The following RALGAPB variants were observed in gnomAD, a reference collection of about 807,000 sequenced individuals.
RALGAPB encodes Ral GTPase activating protein non-catalytic subunit beta, also known as ral GTPase-activating protein subunit beta.
A neutral mutation model predicts 161.1 loss-of-function variants in RALGAPB; 25 were observed. The observed-to-expected ratio is 0.16, with a 90% CI of 0.11 to 0.22. RALGAPB has a LOEUF of 0.22. Ranked by LOEUF, RALGAPB falls within the 10% of genes least tolerant of loss-of-function variation. The pLI is 1.00. For missense variants in RALGAPB, 1,391 were observed against 1,815.2 expected (o/e 0.77, Z 4.25); for synonymous variants, 629 against 626.1 (o/e 1.00, Z -0.07).
At chr20:38,520,855 T>C (rs991584760) in intron 9 of RALGAPB, among the ~76,000 whole-genome samples, 1 of 152,338 alleles carries the variant, frequency 6.6e-6, no homozygotes, top group Admixed American at 6.5e-5. Context: ...TGATAATCTT[T>C]TTTATCAATC....
chr20:38,513,142 T>TA (rs1250733187), intron 6 of RALGAPB, among the ~76,000 whole-genome samples: 1 of 151,478 alleles, frequency 6.6e-6, no homozygotes, highest in East Asian at 2.0e-4. Context: ...CCAACGCGGG[T>TA]AGATCACCCA....
rs2088343705 is a variant in RALGAPB at position 38,574,131 on chromosome 20, A to G, written c.4143-19A>G. 6.3e-7 allele frequency: 1 copy of G among 1,595,232 alleles called. No homozygotes were observed. Among genetic ancestry groups the G allele is most frequent in the African/African-American group, 1.4e-5 (1 of 73,204 alleles). Reference sequence around the variant, plus strand: ...CTTCAACTCTTGGGTGTCTGAGATAACAATTTTCTTTTCTTAAGATCTACA... The same window carrying G: ...CTTCAACTCTTGGGTGTCTGAGATAGCAATTTTCTTTTCTTAAGATCTACA... On this transcript the variant is annotated intron_variant, in intron 28 of 29. Coordinates refer to ENST00000262879, the MANE Select transcript of RALGAPB (RefSeq NM_020336.4).
chr20:38,511,486 G>A (rs1264876361), intron 6 of RALGAPB, among the ~76,000 whole-genome samples: 4 of 152,008 alleles, frequency 2.6e-5, no homozygotes, highest in Admixed American at 6.6e-5. Flanking sequence ...GCCGCCTTCC[G>A]CAGTGTTTGT....
chr20:38,502,543 T>TA (rs1454038762), intron 5 of RALGAPB, among the ~76,000 whole-genome samples: 2 of 152,334 alleles, frequency 1.3e-5, no homozygotes, highest in South Asian at 4.1e-4. Flanking sequence ...ATGGTATCAA[T>TA]AAACACAGTA....
chr20:38,558,467 A>G lies in RALGAPB; in HGVS notation c.3531+14A>G. 3.2e-6 allele frequency: 4 copies of G among 1,257,426 alleles called. No individual in the cohort carries two copies. Among genetic ancestry groups the G allele is most frequent in the South Asian group, 1.5e-5 (1 of 65,474 alleles). The allele number at this position is 1,257,426 out of a possible 1,614,324, so 77.9% of individuals were successfully genotyped here. A position where few individuals can be genotyped will look rare whatever the true frequency, so the allele number is the denominator to read the frequency against. On this transcript the variant is annotated intron_variant, in intron 23 of 29. Transcript: ENST00000262879. The stretch of plus-strand genomic sequence containing the variant: ...ACGAACCAAGAGGTAAGAGTTACGA[A>G]TTTTTTTTTTTTGGTATGTTTTTGT...
intron 10 of RALGAPB, among the ~76,000 whole-genome samples, chr20:38,524,550 T>C (rs2086400926): frequency 6.6e-6 from 1 of 152,192 alleles, no homozygotes; most frequent in African/African-American, 2.4e-5. Flanking sequence ...GATTCAGAAT[T>C]GTTCTAATTC....
chr20:38,491,304 T>C (rs2085272026), intron 2 of RALGAPB, among the ~76,000 whole-genome samples: 1 of 152,244 alleles, frequency 6.6e-6, no homozygotes, highest in Non-Finnish European at 1.5e-5. Flanking sequence ...CTTTGTGGTA[T>C]CTACAGATGA....
chr20:38,565,399 T>C lies in RALGAPB; in HGVS notation c.3738T>C (p.Asn1246=). Residue 1246 remains asparagine, a synonymous_variant, in exon 25 of 30, where the codon AAT becomes AAC. Coordinates refer to ENST00000262879, the MANE Select transcript of RALGAPB (RefSeq NM_020336.4). ...AAGATATTGGAGCTAGCATTTTCAATGGACAGAAGAAGGTGCTGTATTATG... is the reference window on the plus strand; with the variant it reads ...AAGATATTGGAGCTAGCATTTTCAACGGACAGAAGAAGGTGCTGTATTATG... ...SSEDIGASIF[N]GQKKVLYYAD... 6.2e-7 allele frequency: 1 copy of C among 1,613,548 alleles called. No individual in the cohort carries two copies. Among genetic ancestry groups the C allele is most frequent in the Non-Finnish European group, 8.5e-7 (1 of 1,179,614 alleles).
chr20:38,553,004 A>G (rs2087431151), intron 21 of RALGAPB, among the ~76,000 whole-genome samples: 1 of 152,164 alleles, frequency 6.6e-6, no homozygotes, highest in Non-Finnish European at 1.5e-5. Context: ...AGATAAAGCC[A>G]GAAGGATGCT....
chr20:38,536,851 ACCACCAC>A (rs2086821737), intron 16 of RALGAPB, among the ~76,000 whole-genome samples: 2 of 152,232 alleles, frequency 1.3e-5, no homozygotes, highest in Non-Finnish European at 2.9e-5. Context: ...AGGTGTTCTT[ACCACCAC>A]TTAGAGCTTA....
Position 38,515,784 on chromosome 20 carries a change from T to TCC in RALGAPB, c.873-408_873-407insCC, listed in dbSNP as rs1377931489. Reference sequence around the variant, plus strand: ...TGTTGCTCTGTTGCTCAGGCTGGAATGCATTGGCATGATCATAGCTCACTG... The same window carrying TCC: ...TGTTGCTCTGTTGCTCAGGCTGGAATCCGCATTGGCATGATCATAGCTCACTG... On this transcript the variant is annotated intron_variant, in intron 6 of 29. Coordinates refer to ENST00000262879, the MANE Select transcript of RALGAPB (RefSeq NM_020336.4). Among the ~76,000 whole-genome samples, 67 of 152,206 alleles carry TCC rather than the reference T, an allele frequency of 4.4e-4. 1 individual carries two copies. The highest frequency in any genetic ancestry group is 1.2e-3 in the Admixed American group (19 of 15,282).
At chr20:38,525,338 G>A in intron 11 of RALGAPB, 66 bp from the exon 12 acceptor site, 1 of 1,054,478 alleles carries the variant, frequency 9.5e-7, no homozygotes, top group South Asian at 1.4e-5. Flanking sequence ...GGCATTATAT[G>A]TATTTGGCAG....
intron 5 of RALGAPB, among the ~76,000 whole-genome samples, chr20:38,500,290 G>A (rs1600865885): frequency 2.6e-5 from 4 of 151,482 alleles, no homozygotes; most frequent in African/African-American, 7.3e-5. Context: ...TGCATCAAGC[G>A]AGTCTGTCGG....
chr20:38,524,865 T>C lies in RALGAPB; in HGVS notation c.1707T>C (p.Pro569=), dbSNP rs1191565735. ...VLASVILNSP[P]LFCCDLKGID... is the part of the protein sequence containing the mutation. The stretch of plus-strand genomic sequence containing the variant: ...CCAGCGTTATTCTAAACTCTCCTCC[T>C]TTGTTCTGCTGTGACTTGAAAGGGA... Residue 569 remains proline, a synonymous_variant, in exon 11 of 30, where the codon CCT becomes CCC. Coordinates refer to ENST00000262879, the MANE Select transcript of RALGAPB (RefSeq NM_020336.4). 6.2e-7 allele frequency: 1 copy of C among 1,607,680 alleles called. No individual in the cohort carries two copies. The highest frequency in any genetic ancestry group is 1.3e-5 in the African/African-American group (1 of 74,802).
At position 38,548,719 on chromosome 20, in the gene RALGAPB, T is replaced by G; in HGVS notation, c.2933T>G (p.Val978Gly). ...NDFFPSVTVL[V>G]RGMSGRLAWA... ...TTTTTCCCCTCTGTCACTGTGCTGGTCCGGGGAATGTCTGGAAGACTTGCT... is the reference window on the plus strand; with the variant it reads ...TTTTTCCCCTCTGTCACTGTGCTGGGCCGGGGAATGTCTGGAAGACTTGCT... The change falls in exon 20 of 30, where the codon GTC becomes GGC. Residue 978 changes from valine to glycine, a missense_variant. By Grantham distance (109) the Val-to-Gly change is moderately radical. This residue lies in a region of RALGAPB where 946 missense variants were observed against 1,257.2 expected (regional missense o/e 0.75). Coordinates refer to ENST00000262879, the MANE Select transcript of RALGAPB (RefSeq NM_020336.4). 6.2e-7 allele frequency: 1 copy of G among 1,613,974 alleles called. No homozygotes were observed. The highest frequency in any genetic ancestry group is 8.5e-7 in the Non-Finnish European group (1 of 1,179,872).
intron 6 of RALGAPB, among the ~76,000 whole-genome samples, chr20:38,511,820 G>A (rs1334864232): frequency 2.0e-5 from 3 of 152,104 alleles, no homozygotes; most frequent in Non-Finnish European, 2.9e-5. Context: ...TCATCATCAT[G>A]GCCCGTTCTC....
rs1023691816 is a variant in RALGAPB at position 38,478,822 on chromosome 20, G to A, written c.-31+5753G>A. Among the ~76,000 whole-genome samples the A allele has an allele frequency of 2.8e-4, 42 of 152,126 alleles. 1 individual carries two copies. Among genetic ancestry groups the A allele is most frequent in the Non-Finnish European group, 1.9e-4 (13 of 68,004 alleles). On this transcript the variant is annotated intron_variant, in intron 1 of 29. Coordinates refer to ENST00000262879, the MANE Select transcript of RALGAPB (RefSeq NM_020336.4). ...GTAGAGACGGGGTTTCTACATGTTG[G>A]TCAGGCTGGTCTCGAACTCCCGACC...
chr20:38,492,846 G>T, intron 2 of RALGAPB, 84 bp from the exon 3 acceptor site: 1 of 1,120,538 alleles, frequency 8.9e-7, no homozygotes, highest in Non-Finnish European at 1.3e-6. Context: ...GAGGTTTTTG[G>T]CAATAAAAGA....
chr20:38,535,001 T>C, intron 15 of RALGAPB, 73 bp from the exon 16 acceptor site: 2 of 1,524,142 alleles, frequency 1.3e-6, no homozygotes, highest in Non-Finnish European at 9.0e-7. Context: ...GCCTAGTGGA[T>C]GCTGTGCTTC....
Sources: gnomAD v4.1 joint callset for allele counts (sites outside exome capture counted in the v4.1 genomes callset) on GRCh38, gnomAD v4.1.1 for gene constraint, gnomAD v4.1.1 regional missense constraint, MANE v1.5 for transcripts, NCBI Gene and HGNC (gene_info 2026-07-23, HGNC 2026-07-21) for gene names.